SUSD1: variants seen among roughly 807,000 people sequenced by gnomAD.
SUSD1 encodes the protein sushi domain-containing protein 1.
In SUSD1, 65 loss-of-function variants were observed where a neutral mutation model predicts 86.9. The ratio of observed to expected loss-of-function variants is 0.75; its 90% CI spans 0.61 to 0.92. The LOEUF (loss-of-function observed/expected upper bound fraction) is 0.92, where lower values mean the gene tolerates loss of function less well. Among genes scored for constraint, SUSD1 ranks in the 40% least tolerant of loss-of-function variants. SUSD1 has a pLI of 0.00. For synonymous variants in SUSD1, 346 were observed against 350.0 expected (o/e 0.99, Z 0.13); for missense variants, 850 against 929.7 (o/e 0.91, Z 1.11).
At chr9:112,103,799 G>T (rs1163099907) in intron 8 of SUSD1, among the ~76,000 whole-genome samples, 2 of 152,118 alleles carry the variant, frequency 1.3e-5, no homozygotes, top group African/African-American at 4.8e-5. Context: ...GACCTACTAT[G>T]CAACCTGGCT....
intron 12 of SUSD1, among the ~76,000 whole-genome samples, chr9:112,073,987 T>G (rs1222822245): frequency 2.0e-5 from 3 of 152,042 alleles, no homozygotes; most frequent in African/African-American, 4.8e-5. Flanking sequence ...GAGGCCGAAG[T>G]GGGCGGATCA....
chr9:112,148,902 C>A (rs1248704524), intron 3 of SUSD1, among the ~76,000 whole-genome samples: 1 of 136,800 alleles, frequency 7.3e-6, no homozygotes, highest in Admixed American at 7.3e-5. Context: ...TGAGACCCCC[C>A]CCTTAAAAAA....
At chr9:112,142,004 A>G (rs915993222) in intron 5 of SUSD1, among the ~76,000 whole-genome samples, 5 of 150,508 alleles carry the variant, frequency 3.3e-5, no homozygotes, top group African/African-American at 1.2e-4. Context: ...TTTCCCTAAT[A>G]GTCAGGAATA....
At chr9:112,138,276 T>TATGTGTATATAC (rs1426429188) in intron 5 of SUSD1, among the ~76,000 whole-genome samples, 1 of 129,606 alleles carries the variant, frequency 7.7e-6, no homozygotes, top group Non-Finnish European at 1.6e-5. Context: ...CATATATATA[T>TATGTGTATATAC]ATATGAAGTC....
intron 10 of SUSD1, 133 bp from the exon 11 acceptor site, chr9:112,080,298 A>G (rs556342510): frequency 1.1e-5 from 7 of 609,948 alleles, no homozygotes; most frequent in African/African-American, 1.1e-4. Context: ...TAGTGGTAGC[A>G]GTCTCAAAGT....
In SUSD1 at chr9:112,058,668, C is replaced by T. The variant is rs755904611; in HGVS notation, c.1869G>A (p.Val623=). ...NGPISSYQVL[V]LPLALQSTFS... is the part of the protein sequence containing the mutation. ...ATGTGCTTTGGAGGGCCAGGGGAAG[C>T]ACTAACACCTGATATGAACTGGAAG... The change falls in exon 14 of 17, where the codon GTG becomes GTA. Residue 623 remains valine (V), a synonymous_variant. Coordinates refer to ENST00000374270, the MANE Select transcript of SUSD1 (RefSeq NM_022486.5). 1 of 1,614,028 alleles carries T rather than the reference C, an allele frequency of 6.2e-7. No homozygotes were observed. The highest frequency in any genetic ancestry group is 8.5e-7 in the Non-Finnish European group (1 of 1,180,012).
intron 9 of SUSD1, among the ~76,000 whole-genome samples, chr9:112,101,234 C>A (rs1830622117): frequency 6.6e-6 from 1 of 151,566 alleles, no homozygotes; most frequent in Non-Finnish European, 1.5e-5. Flanking sequence ...TAGTGGTGCA[C>A]ACCTATAATC....
At chr9:112,099,283 A>G (rs758388809) in intron 9 of SUSD1, among the ~76,000 whole-genome samples, 1 of 152,106 alleles carries the variant, frequency 6.6e-6, no homozygotes, top group Non-Finnish European at 1.5e-5. Context: ...CTTGGCCTCA[A>G]GCCCACCTCA....
At chr9:112,144,345 A>G (rs533603436) in intron 3 of SUSD1, among the ~76,000 whole-genome samples, 37 of 152,350 alleles carry the variant, frequency 2.4e-4, no homozygotes, top group African/African-American at 8.9e-4. Context: ...TCACTAAAAT[A>G]TATCCAGTCA....
At chr9:112,145,710 TCA>T (rs1832781867) in intron 3 of SUSD1, among the ~76,000 whole-genome samples, 1 of 152,182 alleles carries the variant, frequency 6.6e-6, no homozygotes, top group African/African-American at 2.4e-5. Flanking sequence ...GCCTCTCCAC[TCA>T]CACCAATTAT....
At position 112,052,442 on chromosome 9, in the gene SUSD1, T is replaced by C. The variant is rs1165244056; in HGVS notation, c.2110-4A>G. On this transcript the variant is annotated splice_region_variant and splice_polypyrimidine_tract_variant and intron_variant, in intron 14 of 16. Transcript: ENST00000374270. ...CTGCACAGGAGTGTCTTCTCACCTA[T>C]AAAGGAAAACATAGCAATGCATTTA... The C allele has an allele frequency of 2.5e-6, 4 of 1,613,896 alleles. No homozygotes were observed. The highest frequency in any genetic ancestry group is 4.5e-5 in the East Asian group (2 of 44,880).
intron 9 of SUSD1, among the ~76,000 whole-genome samples, chr9:112,099,323 G>A (rs1342571251): frequency 1.3e-5 from 2 of 152,208 alleles, no homozygotes; most frequent in East Asian, 3.9e-4. Flanking sequence ...TTACAAGTGT[G>A]AGCCATTGCA....
chr9:112,055,017 G>C (rs1211019720), intron 14 of SUSD1, among the ~76,000 whole-genome samples: 5 of 152,182 alleles, frequency 3.3e-5, no homozygotes, highest in African/African-American at 7.2e-5. Flanking sequence ...TCAAAAATGA[G>C]CAAAGGACTT....
chr9:112,139,689 A>G (rs1331849383), intron 5 of SUSD1, among the ~76,000 whole-genome samples: 1 of 152,076 alleles, frequency 6.6e-6, no homozygotes, highest in Non-Finnish European at 1.5e-5. Context: ...GAGCCACTGC[A>G]TCTGGCCACA....
intron 15 of SUSD1, among the ~76,000 whole-genome samples, chr9:112,047,154 C>T (rs1308666700): frequency 1.3e-5 from 2 of 152,224 alleles, no homozygotes; most frequent in Non-Finnish European, 2.9e-5. Context: ...AAGAAATGTA[C>T]CATCAAGGCA....
At chr9:112,159,321 C>A (rs1018237611) in intron 1 of SUSD1, among the ~76,000 whole-genome samples, 3 of 152,128 alleles carry the variant, frequency 2.0e-5, no homozygotes, top group Admixed American at 2.0e-4. Context: ...GACAGCCTAG[C>A]CCTTAGGCTG....
intron 13 of SUSD1, among the ~76,000 whole-genome samples, chr9:112,060,184 G>A (rs1772530444): frequency 6.6e-6 from 1 of 152,142 alleles, no homozygotes; most frequent in Admixed American, 6.6e-5. Context: ...CTCCTCCACA[G>A]TGGGTGTTGG....
At chr9:112,055,296 T>A (rs979231444) in intron 14 of SUSD1, among the ~76,000 whole-genome samples, 2 of 152,122 alleles carry the variant, frequency 1.3e-5, no homozygotes, top group African/African-American at 2.4e-5. Context: ...TGTGATGGCA[T>A]GCACCTGTAG....
In SUSD1 at chr9:112,052,287, T is replaced by C. The variant is rs760658965; in HGVS notation, c.2149+112A>G. ...ATGAAGCTCTTTGCTTAAAGTAGTA[T>C]GAATTGGGTTCTGGTCACCAGTGAC... On this transcript the variant is annotated intron_variant, in intron 15 of 16. Coordinates refer to ENST00000374270, the MANE Select transcript of SUSD1 (RefSeq NM_022486.5). The C allele has an allele frequency of 1.6e-5, 25 of 1,593,748 alleles. No homozygotes were observed. The African/African-American group carries it at 2.4e-4, about 15-fold the overall frequency.
Sources: gnomAD v4.1 joint callset for allele counts (sites outside exome capture counted in the v4.1 genomes callset) on GRCh38, gnomAD v4.1.1 for gene constraint, MANE v1.5 for transcripts, NCBI Gene and HGNC (gene_info 2026-07-23, HGNC 2026-07-21) for gene names.